Variants in FGF14 observed in about 807,000 individuals in gnomAD.
The protein encoded by FGF14 is fibroblast growth factor 14.
Under a neutral mutation model 25.5 loss-of-function variants are expected in FGF14, and 5 were observed. The ratio of observed to expected loss-of-function variants is 0.20; its 90% CI spans 0.10 to 0.41. FGF14 has a LOEUF of 0.41. Ranked by LOEUF, FGF14 falls within the 10% of genes least tolerant of loss-of-function variation. FGF14 has a pLI of 1.00. For synonymous variants in FGF14, 138 were observed against 118.3 expected (o/e 1.17, Z -1.08); for missense variants, 222 against 320.1 (o/e 0.69, Z 2.34).
chr13:101,782,208 G>A (rs957894623), intron 3 of FGF14, among the ~76,000 whole-genome samples: 40 of 151,868 alleles, frequency 2.6e-4, no homozygotes, highest in Non-Finnish European at 4.4e-4. Flanking sequence ...GACACTAAGC[G>A]TTAGCCATAT....
rs1210755203 is a variant in FGF14, at chr13:102,333,864, T to C, written c.208+67607A>G. 3.3e-5 allele frequency among the ~76,000 whole-genome samples: 5 copies of C among 152,100 alleles called. No individual in the cohort carries two copies. The East Asian group carries it at 7.7e-4, about 23-fold the overall frequency. ...ATCACCCAACAGCCACCACAGGATG[T>C]TTCTTATTTTGACGACTGAAGGGTG... On this transcript the variant is annotated intron_variant, in intron 1 of 4. Coordinates refer to the FGF14 transcript ENST00000376131.
At chr13:101,788,949 CAGAGAGAGAG>C (rs60324795) in intron 3 of FGF14, among the ~76,000 whole-genome samples, 1,694 of 74,974 alleles carry the variant, frequency 0.023, 67 homozygotes, top group African/African-American at 0.066. Flanking sequence ...GAGAGAGAGA[CAGAGAGAGAG>C]AGAGAGAGAG....
chr13:101,963,020 T>A (rs550716917), intron 1 of FGF14, among the ~76,000 whole-genome samples: 4 of 152,276 alleles, frequency 2.6e-5, no homozygotes, highest in Non-Finnish European at 5.9e-5. Context: ...GATATGATCA[T>A]GCTTCTTCCA....
chr13:101,792,881 T>G (rs1594267858), intron 3 of FGF14, among the ~76,000 whole-genome samples: 1 of 151,898 alleles, frequency 6.6e-6, no homozygotes, highest in Admixed American at 6.6e-5. Flanking sequence ...GCTTTTTTTG[T>G]ATACTGACAA....
intron 1 of FGF14, among the ~76,000 whole-genome samples, chr13:102,339,255 A>G (rs866631332): frequency 6.6e-6 from 1 of 151,988 alleles, no homozygotes; most frequent in African/African-American, 2.4e-5. Flanking sequence ...TGTAAAAATT[A>G]AAAAAGATAG....
rs774872814 is a variant in FGF14, at chr13:102,006,727, CTTTTTTTTT to C, written c.209-131440_209-131432del. Among the ~76,000 whole-genome samples the C allele has an allele frequency of 8.1e-5, 5 of 61,966 alleles. 1 individual carries two copies. The highest frequency in any genetic ancestry group is 5.3e-4 in the East Asian group (1 of 1,896). The allele number at this position is 61,966 out of a possible 152,430, so 40.7% of individuals were successfully genotyped here. On this transcript the variant is annotated intron_variant, in intron 1 of 4. Coordinates refer to the FGF14 transcript ENST00000376131. ...AAATATGAGTCACAAAATCTTACTT[CTTTTTTTTT>C]TTTTTTTTTTTTTTTTTTTGAGACG...
chr13:101,925,978 A>G (rs1490645420), intron 1 of FGF14, among the ~76,000 whole-genome samples: 2 of 152,030 alleles, frequency 1.3e-5, no homozygotes, highest in African/African-American at 4.8e-5. Flanking sequence ...CCATTGTCAC[A>G]TTTCCTACTA....
At chr13:102,099,793 AT>A (rs1276738275) in intron 1 of FGF14, among the ~76,000 whole-genome samples, 4 of 150,334 alleles carry the variant, frequency 2.7e-5, no homozygotes, top group Non-Finnish European at 4.4e-5. Flanking sequence ...CTTAATAATT[AT>A]TTGTCAGTAA....
intron 1 of FGF14, among the ~76,000 whole-genome samples, chr13:102,355,919 A>G (rs937591232): frequency 5.9e-5 from 9 of 152,156 alleles, no homozygotes; most frequent in African/African-American, 2.2e-4. Context: ...TTTCCATCTC[A>G]GGTAACAACC....
intron 3 of FGF14, among the ~76,000 whole-genome samples, chr13:101,739,656 A>G (rs1036679133): frequency 5.3e-5 from 8 of 152,184 alleles, no homozygotes; most frequent in Non-Finnish European, 1.2e-4. Context: ...AAAACAACGA[A>G]ATCAGAATGC....
At chr13:102,305,399 A>G (rs1021509594) in intron 1 of FGF14, among the ~76,000 whole-genome samples, 1 of 151,948 alleles carries the variant, frequency 6.6e-6, no homozygotes, top group East Asian at 1.9e-4. Context: ...GCTTTAAAAT[A>G]TAATAATAAC....
chr13:101,728,172 A>G (rs1246566559), intron 3 of FGF14, among the ~76,000 whole-genome samples: 1 of 152,162 alleles, frequency 6.6e-6, no homozygotes, highest in Admixed American at 6.6e-5. Flanking sequence ...AGTGTGCTGA[A>G]TAACTTTCAT....
chr13:101,894,776 T>C (rs1361337823), intron 1 of FGF14, among the ~76,000 whole-genome samples: 1 of 152,172 alleles, frequency 6.6e-6, no homozygotes, highest in Non-Finnish European at 1.5e-5. Flanking sequence ...TGAGGAGAAA[T>C]CTACTTAGTA....
At position 101,916,741 on chromosome 13, in the gene FGF14, C is replaced by T; in HGVS notation, c.-96G>A. On this transcript the variant is annotated 5_prime_UTR_variant, in exon 1 of 5. Transcript: ENST00000376143. ...GGCGGCGGCGCAGACCGTGGCTCGC[C>T]CTCGGGGCAGAGGAGGGGGTGCCAG... The T allele has an allele frequency of 8.7e-7, 1 of 1,149,440 alleles. No individual in the cohort carries two copies. Among genetic ancestry groups the T allele is most frequent in the Non-Finnish European group, 1.2e-6 (1 of 839,800 alleles). 71.2% of individuals were successfully genotyped at this position (1,149,440 alleles called of 1,614,324 possible).
intron 1 of FGF14, among the ~76,000 whole-genome samples, chr13:102,389,102 TTTCCCCTTC>T (rs751918252): frequency 2.4e-4 from 37 of 152,202 alleles, no homozygotes; most frequent in East Asian, 1.3e-3. Context: ...CTCTAAAAGA[TTTCCCCTTC>T]TTCCCCTTCT....
At chr13:102,277,250 G>A (rs1256262825) in intron 1 of FGF14, among the ~76,000 whole-genome samples, 2 of 152,204 alleles carry the variant, frequency 1.3e-5, no homozygotes, top group African/African-American at 4.8e-5. Flanking sequence ...AACAACTGCA[G>A]TGTCTCTTTG....
chr13:102,323,775 C>A (rs758918191), intron 1 of FGF14, among the ~76,000 whole-genome samples: 20 of 152,120 alleles, frequency 1.3e-4, no homozygotes, highest in Non-Finnish European at 1.5e-4. Context: ...GCAATAAAAT[C>A]TCATACTCAT....
chr13:102,123,404 C>T (rs1481875796), intron 1 of FGF14, among the ~76,000 whole-genome samples: 4 of 152,052 alleles, frequency 2.6e-5, no homozygotes, highest in African/African-American at 4.8e-5. Context: ...AGCATTCAAG[C>T]AATTAATTGA....
chr13:102,327,561 G>A (rs1656706748), intron 1 of FGF14, among the ~76,000 whole-genome samples: 1 of 152,188 alleles, frequency 6.6e-6, no homozygotes, highest in African/African-American at 2.4e-5. Flanking sequence ...TCAGCTGGGT[G>A]TGGTGGTTCA....
Sources: allele counts gnomAD v4.1 joint callset (sites outside exome capture counted in the v4.1 genomes callset), GRCh38; gene constraint gnomAD v4.1.1; transcripts MANE v1.5; gene names NCBI Gene and HGNC (gene_info 2026-07-23, HGNC 2026-07-21).